GABRA4: variants seen among roughly 807,000 people sequenced by gnomAD.
The protein encoded by GABRA4 is gamma-aminobutyric acid receptor subunit alpha-4.
GABRA4 carries 12 observed loss-of-function variants against 49.7 expected under a neutral mutation model. That is an observed-to-expected ratio of 0.24 (90% CI 0.15 to 0.39). The LOEUF is 0.39. GABRA4 is among the 10% of genes least tolerant of loss of function. The pLI, the probability that GABRA4 is intolerant of heterozygous loss-of-function variation, is 1.00. For synonymous variants in GABRA4, 288 were observed against 240.2 expected (o/e 1.20, Z -1.84); for missense variants, 506 against 686.0 (o/e 0.74, Z 2.93).
In GABRA4 at chr4:46,956,369, G is replaced by T. The variant is rs923592553; in HGVS notation, c.1134+8601C>A. On this transcript the variant is annotated intron_variant, in intron 8 of 8. Transcript: ENST00000264318. ...ATAAAATAAGATTTGTTGCATGTTA[G>T]CTTAAACTATTTAAAGAACAGCATT... Among the ~76,000 whole-genome samples the T allele has an allele frequency of 6.6e-5, 10 of 152,166 alleles. No individual in the cohort carries two copies. In the East Asian group the frequency reaches 1.7e-3, roughly 27 times the overall value.
intron 8 of GABRA4, among the ~76,000 whole-genome samples, chr4:46,948,323 A>T (rs1722052249): frequency 6.6e-6 from 1 of 152,120 alleles, no homozygotes; most frequent in Non-Finnish European, 1.5e-5. Context: ...ATAAATAAAG[A>T]GATCCTCTGC....
chr4:46,992,809 C>A lies in GABRA4; in HGVS notation c.205+19G>T, dbSNP rs1270195470. On this transcript the variant is annotated intron_variant, in intron 2 of 8. Coordinates refer to ENST00000264318, the MANE Select transcript of GABRA4 (RefSeq NM_000809.4). Reference sequence around the variant, plus strand: ...GAGGGACAGACAGGACACACTTGCGCGTTTGAAATCGTTCATACCCCCAAA... The same window carrying A: ...GAGGGACAGACAGGACACACTTGCGAGTTTGAAATCGTTCATACCCCCAAA... The A allele has an allele frequency of 1.3e-6, 2 of 1,550,938 alleles. No individual in the cohort carries two copies. Among genetic ancestry groups the A allele is most frequent in the Non-Finnish European group, 1.8e-6 (2 of 1,122,546 alleles).
At chr4:46,980,636 C>G (rs1184357830) in intron 2 of GABRA4, among the ~76,000 whole-genome samples, 1 of 151,954 alleles carries the variant, frequency 6.6e-6, no homozygotes, top group African/African-American at 2.4e-5. Flanking sequence ...AAGACTACAT[C>G]TATGGAAAGC....
intron 8 of GABRA4, among the ~76,000 whole-genome samples, chr4:46,951,301 T>C (rs1415160243): frequency 6.7e-6 from 1 of 149,748 alleles, no homozygotes; most frequent in Non-Finnish European, 1.5e-5. Flanking sequence ...ATTAAATATA[T>C]ACTATGTATT....
chr4:46,978,975 T>C lies in GABRA4; in HGVS notation c.273+56A>G, dbSNP rs1442622176. 9.7e-5 allele frequency: 111 copies of C among 1,149,296 alleles called. No homozygotes were observed. The East Asian group carries it at 2.6e-3, about 27-fold the overall frequency. 71.2% of individuals were successfully genotyped at this position (1,149,296 alleles called of 1,614,324 possible). A position where few individuals can be genotyped will look rare whatever the true frequency, so the allele number is the denominator to read the frequency against. The stretch of plus-strand genomic sequence containing the variant: ...ACAAAATAAATATTAATTGCCCTCT[T>C]TTCTACATGTTTTCTTCAAGTCTCA... On this transcript the variant is annotated intron_variant, in intron 3 of 8. Coordinates refer to ENST00000264318, the MANE Select transcript of GABRA4 (RefSeq NM_000809.4).
chr4:46,933,492 A>G (rs1234351212), intron 8 of GABRA4, among the ~76,000 whole-genome samples: 1 of 152,144 alleles, frequency 6.6e-6, no homozygotes, highest in African/African-American at 2.4e-5. Context: ...GTGGAATTAG[A>G]CTGATTTGAG....
At chr4:46,961,934 T>C (rs939632898) in intron 8 of GABRA4, among the ~76,000 whole-genome samples, 1 of 151,892 alleles carries the variant, frequency 6.6e-6, no homozygotes, top group African/African-American at 2.4e-5. Context: ...ACAGTTGGAC[T>C]CCATGAAGAA....
At chr4:46,959,758 CAAAAAAA>C (rs67861758) in intron 8 of GABRA4, among the ~76,000 whole-genome samples, 1 of 82,692 alleles carries the variant, frequency 1.2e-5, no homozygotes, top group African/African-American at 4.9e-5. Context: ...CATCACTTTG[CAAAAAAA>C]AAAAAAAAAA....
At chr4:46,980,373 C>CAAAAA (rs35377347) in intron 2 of GABRA4, among the ~76,000 whole-genome samples, 1 of 127,236 alleles carries the variant, frequency 7.9e-6, no homozygotes, top group African/African-American at 2.8e-5. Context: ...CGATTTATGC[C>CAAAAA]AAAAAAAAAA....
At chr4:46,973,061 T>C (rs1723006486) in intron 6 of GABRA4, among the ~76,000 whole-genome samples, 1 of 151,810 alleles carries the variant, frequency 6.6e-6, no homozygotes, top group Non-Finnish European at 1.5e-5. Context: ...AAATACATTG[T>C]ACTTAAACCT....
At chr4:46,961,894 A>G (rs1722589794) in intron 8 of GABRA4, among the ~76,000 whole-genome samples, 1 of 151,784 alleles carries the variant, frequency 6.6e-6, no homozygotes. Flanking sequence ...GTTTGCTTCT[A>G]TGTTTTTATG....
At chr4:46,985,172 T>G (rs569810948) in intron 2 of GABRA4, among the ~76,000 whole-genome samples, 1 of 152,038 alleles carries the variant, frequency 6.6e-6, no homozygotes, top group Non-Finnish European at 1.5e-5. Context: ...AGATTATATA[T>G]AGCAAGTTCA....
At chr4:46,944,711 C>T (rs969254364) in intron 8 of GABRA4, among the ~76,000 whole-genome samples, 1 of 152,002 alleles carries the variant, frequency 6.6e-6, no homozygotes, top group South Asian at 2.1e-4. Flanking sequence ...ATATTTCTTC[C>T]TTTGAAAGGT....
chr4:46,963,868 A>G (rs1268597666), intron 8 of GABRA4, among the ~76,000 whole-genome samples: 2 of 151,834 alleles, frequency 1.3e-5, no homozygotes, highest in Admixed American at 6.6e-5. Flanking sequence ...TCAAAAAACT[A>G]AAAATAAAGC....
At chr4:46,961,454 C>T (rs1247440816) in intron 8 of GABRA4, among the ~76,000 whole-genome samples, 3 of 151,792 alleles carry the variant, frequency 2.0e-5, no homozygotes, top group African/African-American at 4.8e-5. Context: ...GTATTGTCTG[C>T]CTCCTCTCCC....
At chr4:46,977,330 A>AGGG (rs1723177400) in intron 4 of GABRA4, 80 bp downstream of exon 4, 11 of 543,786 alleles carry the variant, frequency 2.0e-5, no homozygotes, top group African/African-American at 2.4e-5. Flanking sequence ...GGGAGGGAGG[A>AGGG]AGGAAGGAAG....
chr4:46,974,441 CT>C, intron 5 of GABRA4, 66 bp from the exon 6 acceptor site: 3 of 1,402,080 alleles, frequency 2.1e-6, no homozygotes, highest in Non-Finnish European at 2.9e-6. Flanking sequence ...GTGGTCAACA[CT>C]TAAAAACAGT....
chr4:46,931,369 GA>G (rs1721429636), intron 8 of GABRA4, among the ~76,000 whole-genome samples: 1 of 152,024 alleles, frequency 6.6e-6, no homozygotes, highest in South Asian at 2.1e-4. Context: ...GCAAGAGTAG[GA>G]AGGATCAAAC....
chr4:46,926,916 CCT>C lies in GABRA4; in HGVS notation c.*1307_*1308del, dbSNP rs1721250891. 1 of 151,724 alleles carries C rather than the reference CCT, an allele frequency of 6.6e-6. No individual in the cohort carries two copies. Among genetic ancestry groups the C allele is most frequent in the Non-Finnish European group, 1.5e-5 (1 of 67,862 alleles). The allele number at this position is 151,724 out of a possible 1,614,324, so 9.4% of individuals were successfully genotyped here. A position where few individuals can be genotyped will look rare whatever the true frequency, so the allele number is the denominator to read the frequency against. ...TGCTCTCTTAATTTTAAAATATTCC[CCT>C]TAGTTATTAAACCTTAAAAAAACTC... On this transcript the variant is annotated 3_prime_UTR_variant, in exon 9 of 9. Coordinates refer to ENST00000264318, the MANE Select transcript of GABRA4 (RefSeq NM_000809.4).
Sources: allele counts gnomAD v4.1 joint callset (sites outside exome capture counted in the v4.1 genomes callset), GRCh38; gene constraint gnomAD v4.1.1; transcripts MANE v1.5; gene names NCBI Gene and HGNC (gene_info 2026-07-23, HGNC 2026-07-21).